Variants in CYP2C8 observed in about 807,000 individuals in gnomAD.
CYP2C8 encodes cytochrome P450 2C8.
CYP2C8 carries 51 observed loss-of-function variants against 41.3 expected under a neutral mutation model. That is an observed-to-expected ratio of 1.24 (90% CI 0.99 to 1.56). The LOEUF (loss-of-function observed/expected upper bound fraction) is 1.56. Ranked by LOEUF, CYP2C8 falls within the 40% of genes most tolerant of loss-of-function variation. The probability of loss-of-function intolerance (pLI) is 0.00; values close to 1 mark genes in which losing one functional copy is unlikely to be tolerated. For synonymous variants in CYP2C8, 218 were observed against 205.8 expected (o/e 1.06, Z -0.51); for missense variants, 651 against 579.9 (o/e 1.12, Z -1.26).
Position 95,058,379 on chromosome 10 carries a change from T to A in CYP2C8, c.775A>T (p.Asn259Tyr). ...AAGCAATCGATAAAGTCCCGAGGATTGTTAACATCCAGTGATGCTTGGTGT... is the reference window on the plus strand; with the variant it reads ...AAGCAATCGATAAAGTCCCGAGGATAGTTAACATCCAGTGATGCTTGGTGT... ...KEHQASLDVN[N>Y]PRDFIDCFLI... The change falls in exon 5 of 9, where the codon AAT becomes TAT. Residue 259 changes from asparagine (N) to tyrosine (Y), a missense_variant. Physicochemically the swap from Asn to Tyr is moderately radical, Grantham distance 143 (BLOSUM62 -2). Coordinates refer to ENST00000371270, the MANE Select transcript of CYP2C8 (RefSeq NM_000770.3). 1.2e-6 allele frequency: 2 copies of A among 1,613,552 alleles called. No homozygotes were observed. Among genetic ancestry groups the A allele is most frequent in the Non-Finnish European group, 1.7e-6 (2 of 1,179,654 alleles).
chr10:95,059,917 T>C (rs1275280335), intron 4 of CYP2C8, among the ~76,000 whole-genome samples: 1 of 152,224 alleles, frequency 6.6e-6, no homozygotes, highest in Non-Finnish European at 1.5e-5. Context: ...TCCCCATTTC[T>C]TGTTTTTGTC....
chr10:95,049,782 G>C (rs1422915008), intron 5 of CYP2C8, among the ~76,000 whole-genome samples: 1 of 152,052 alleles, frequency 6.6e-6, no homozygotes, highest in Non-Finnish European at 1.5e-5. Context: ...GGATGGGTAA[G>C]GGAGTGCTGA....
At chr10:95,067,927 C>A (rs571066123) in intron 1 of CYP2C8, among the ~76,000 whole-genome samples, 3 of 152,332 alleles carry the variant, frequency 2.0e-5, no homozygotes, top group African/African-American at 7.2e-5. Context: ...TCACACAGTT[C>A]ATCCTCACTT....
Position 95,069,371 on chromosome 10 carries a change from A to T in CYP2C8, c.32T>A (p.Leu11His). 6.2e-7 allele frequency: 1 copy of T among 1,614,120 alleles called. No homozygotes were observed. The highest frequency in any genetic ancestry group is 1.1e-5 in the South Asian group (1 of 91,082). Residue 11 changes from leucine (L) to histidine (H), a missense_variant, in exon 1 of 9, where the codon CTC becomes CAC. Coordinates refer to ENST00000371270, the MANE Select transcript of CYP2C8 (RefSeq NM_000770.3). Reference sequence around the variant, plus strand: ...GAGTGAAAAGAGAAGCATAAAAGAGAGACACAGCACCAGGACCACAAAAGG... The same window carrying T: ...GAGTGAAAAGAGAAGCATAAAAGAGTGACACAGCACCAGGACCACAAAAGG... MEPFVVLVLC[L>H]SFMLLFSLWR...
intron 5 of CYP2C8, 40 bp from the exon 6 acceptor site, chr10:95,045,991 C>T (rs1233250879): frequency 6.2e-7 from 1 of 1,608,374 alleles, no homozygotes; most frequent in South Asian, 1.1e-5. Context: ...AAATTATGTG[C>T]CAGTATATCT....
rs1589450693 is a variant in CYP2C8 at position 95,069,419 on chromosome 10, T to C, written c.-17A>G. Reference sequence around the variant, plus strand: ...AGGTTCCATTGAAGCCTTCTCTTCTTATTAAGACAGCTGTGAGCTTGCACT... The same window carrying C: ...AGGTTCCATTGAAGCCTTCTCTTCTCATTAAGACAGCTGTGAGCTTGCACT... On this transcript the variant is annotated 5_prime_UTR_variant, in exon 1 of 9. The change creates a new upstream start codon in the 5' untranslated region. Transcript: ENST00000371270. The C allele has an allele frequency of 6.2e-7, 1 of 1,611,916 alleles. No individual in the cohort carries two copies.
At chr10:95,056,039 G>A (rs767811532) in intron 5 of CYP2C8, among the ~76,000 whole-genome samples, 7 of 152,136 alleles carry the variant, frequency 4.6e-5, no homozygotes, top group Non-Finnish European at 1.0e-4. Context: ...GTTGCAGTGA[G>A]CCAAGATGAC....
intron 3 of CYP2C8, among the ~76,000 whole-genome samples, chr10:95,066,451 G>A (rs560024934): frequency 6.6e-6 from 1 of 152,092 alleles, no homozygotes; most frequent in Admixed American, 6.6e-5. Context: ...TTTCATAATA[G>A]TTAAAATCTA....
intron 6 of CYP2C8, 22 bp from the exon 7 acceptor site, chr10:95,043,099 C>T (rs2033038819): frequency 6.2e-7 from 1 of 1,611,466 alleles, no homozygotes; most frequent in Non-Finnish European, 8.5e-7. Context: ...CAAGAAAGAA[C>T]TGATGGAAAC....
rs2033353116 is a variant in CYP2C8, at chr10:95,058,410, T to G, written c.744A>C (p.Val248=). 1 of 1,613,454 alleles carries G rather than the reference T, an allele frequency of 6.2e-7. No individual in the cohort carries two copies. The highest frequency in any genetic ancestry group is 1.3e-5 in the African/African-American group (1 of 74,912). ...CATCCAGTGATGCTTGGTGTTCTTT[T>G]ACTTTCTCCCTAATGTAACTTCGTG... ...ALTRSYIREK[V]KEHQASLDVN... Residue 248 remains valine, a synonymous_variant, in exon 5 of 9, where the codon GTA becomes GTC. Transcript: ENST00000371270.
chr10:95,045,706 A>AT, intron 6 of CYP2C8, 104 bp downstream of exon 6: 1 of 1,411,206 alleles, frequency 7.1e-7, no homozygotes, highest in Non-Finnish European at 1.0e-6. Flanking sequence ...TGACACAGAA[A>AT]TTTAAAGAAT....
At chr10:95,063,707 G>A (rs956200504) in intron 4 of CYP2C8, among the ~76,000 whole-genome samples, 4 of 152,214 alleles carry the variant, frequency 2.6e-5, no homozygotes, top group Admixed American at 1.3e-4. Flanking sequence ...TGGAGGAGGA[G>A]AGGCACTCTG....
At chr10:95,067,746 T>A in intron 1 of CYP2C8, 55 bp from the exon 2 acceptor site, 1 of 1,513,972 alleles carries the variant, frequency 6.6e-7, no homozygotes, top group Non-Finnish European at 9.2e-7. Flanking sequence ...CTCCAAATAC[T>A]ATGTATGATT....
intron 4 of CYP2C8, 109 bp downstream of exon 4, chr10:95,064,691 A>AT (rs1038352443): frequency 3.6e-6 from 4 of 1,096,478 alleles, no homozygotes; most frequent in South Asian, 1.4e-5. Flanking sequence ...CTCATACATC[A>AT]TTTTTATTGT....
intron 8 of CYP2C8, among the ~76,000 whole-genome samples, chr10:95,038,164 A>G (rs2134404796): frequency 6.6e-6 from 1 of 152,340 alleles, no homozygotes; most frequent in South Asian, 2.1e-4. Context: ...AAAAGCAAGT[A>G]TCCAGGATAT....
Position 95,037,279 on chromosome 10 carries a change from G to T in CYP2C8, c.1322C>A (p.Ala441Asp). 1 of 1,613,574 alleles carries T rather than the reference G, an allele frequency of 6.2e-7. No homozygotes were observed. The highest frequency in any genetic ancestry group is 2.2e-5 in the East Asian group (1 of 44,872). The change falls in exon 9 of 9, where the codon GCC becomes GAC. Residue 441 changes from alanine to aspartate, a missense_variant. Ala to Asp is a moderately radical substitution (Grantham distance 126, BLOSUM62 -2). Transcript: ENST00000371270. Reference sequence around the variant, plus strand: ...TAGAAATAAAAATAGCTCCATGCGGGCAAGTCCTTCTCCTGCACAAATTCG... The same window carrying T: ...TAGAAATAAAAATAGCTCCATGCGGTCAAGTCCTTCTCCTGCACAAATTCG... ...GKRICAGEGL[A>D]RMELFLFLTT...
chr10:95,043,690 T>C (rs1446371576), intron 6 of CYP2C8, among the ~76,000 whole-genome samples: 1 of 152,114 alleles, frequency 6.6e-6, no homozygotes, highest in Non-Finnish European at 1.5e-5. Flanking sequence ...TTCATCTCCA[T>C]CTCTATTCCA....
At chr10:95,049,030 C>T (rs1020640095) in intron 5 of CYP2C8, among the ~76,000 whole-genome samples, 1 of 152,056 alleles carries the variant, frequency 6.6e-6, no homozygotes, top group Non-Finnish European at 1.5e-5. Flanking sequence ...AGTAAACATA[C>T]AACCTACAGA....
rs1589449291 is a variant in CYP2C8 at position 95,067,272 on chromosome 10, C to T, written c.417G>A (p.Arg139=). ...CCTCTTGAACACGGTCCTCAATGCT[C>T]CTCTTCCCCATCCCAAAATTCCGCA... ...TTLRNFGMGK[R]SIEDRVQEEA... The change falls in exon 3 of 9, where the codon AGG becomes AGA. Residue 139 remains arginine, a synonymous_variant. Transcript: ENST00000371270. 2 of 1,614,086 alleles carry T rather than the reference C, an allele frequency of 1.2e-6. No homozygotes were observed. Among genetic ancestry groups the T allele is most frequent in the Admixed American group, 3.3e-5 (2 of 59,998 alleles).
Sources: allele counts gnomAD v4.1 joint callset (sites outside exome capture counted in the v4.1 genomes callset), GRCh38; gene constraint gnomAD v4.1.1; transcripts MANE v1.5; gene names NCBI Gene and HGNC (gene_info 2026-07-23, HGNC 2026-07-21).